Variants in ANKS1B observed in about 807,000 individuals in gnomAD.
The protein encoded by ANKS1B is ankyrin repeat and sterile alpha motif domain-containing protein 1B.
ANKS1B carries 36 observed loss-of-function variants against 148.3 expected under a neutral mutation model. The ratio of observed to expected loss-of-function variants is 0.24; its 90% confidence interval spans 0.19 to 0.32. ANKS1B has a LOEUF of 0.32. ANKS1B is among the 10% of genes least tolerant of loss of function. The pLI is 1.00. For missense variants in ANKS1B, 1,157 were observed against 1,542.6 expected (o/e 0.75, Z 4.19); for synonymous variants, 542 against 560.8 (o/e 0.97, Z 0.47).
intron 8 of ANKS1B, among the ~76,000 whole-genome samples, chr12:99,662,756 T>A (rs2153455665): frequency 6.6e-6 from 1 of 152,224 alleles, no homozygotes; most frequent in South Asian, 2.1e-4. Flanking sequence ...ATAGCGGAGG[T>A]GAATGGGCTT....
chr12:99,784,568 T>C (rs1050640601), intron 4 of ANKS1B, among the ~76,000 whole-genome samples: 1 of 152,162 alleles, frequency 6.6e-6, no homozygotes, highest in Non-Finnish European at 1.5e-5. Context: ...CTAGCACTCT[T>C]AATCTAGCCA....
At chr12:98,762,179 C>T (rs2098416880) in intron 25 of ANKS1B, among the ~76,000 whole-genome samples, 1 of 152,126 alleles carries the variant, frequency 6.6e-6, no homozygotes, top group South Asian at 2.1e-4. Context: ...GAATAGAGGC[C>T]ATAAACAGAG....
chr12:98,952,165 A>G (rs2099855027), intron 17 of ANKS1B, among the ~76,000 whole-genome samples: 1 of 152,232 alleles, frequency 6.6e-6, no homozygotes, highest in African/African-American at 2.4e-5. Context: ...GGGCTTTAAA[A>G]TTATTTATGA....
chr12:99,118,568 T>A (rs1188892929), intron 15 of ANKS1B, among the ~76,000 whole-genome samples: 1 of 152,200 alleles, frequency 6.6e-6, no homozygotes, highest in Non-Finnish European at 1.5e-5. Flanking sequence ...GAAGTTAATA[T>A]TCCATTTACC....
intron 9 of ANKS1B, among the ~76,000 whole-genome samples, chr12:99,535,385 A>C (rs1160036492): frequency 1.3e-5 from 2 of 152,232 alleles, no homozygotes; most frequent in East Asian, 3.9e-4. Context: ...TCACACATGC[A>C]GATTAATGTC....
At chr12:99,012,276 G>A (rs1486113855) in intron 17 of ANKS1B, among the ~76,000 whole-genome samples, 1 of 152,166 alleles carries the variant, frequency 6.6e-6, no homozygotes, top group Admixed American at 6.5e-5. Flanking sequence ...TAGACATGAG[G>A]AAACAGCTTT....
chr12:99,802,514 T>C lies in ANKS1B; in HGVS notation c.669+3890A>G, dbSNP rs187818591. 4.0e-3 allele frequency among the ~76,000 whole-genome samples: 616 copies of C among 152,290 alleles called. 13 individuals are homozygous for C. Among genetic ancestry groups the C allele is most frequent in the Non-Finnish European group, 6.2e-4 (42 of 68,026 alleles). On this transcript the variant is annotated intron_variant, in intron 4 of 26. Coordinates refer to ENST00000683438, the MANE Select transcript of ANKS1B (RefSeq NM_001352186.2). ...AAGATGATATGAAATTTGCCCAAAG[T>C]ATTACTTACTATTTTAAATATGTGT...
chr12:99,786,225 G>T (rs1365164467), intron 4 of ANKS1B, among the ~76,000 whole-genome samples: 2 of 152,070 alleles, frequency 1.3e-5, no homozygotes, highest in Non-Finnish European at 2.9e-5. Flanking sequence ...TTTAATTCAG[G>T]ATTGCGAGGG....
At chr12:99,013,517 A>G (rs749616033) in intron 17 of ANKS1B, among the ~76,000 whole-genome samples, 7 of 152,230 alleles carry the variant, frequency 4.6e-5, no homozygotes, top group Middle Eastern at 3.2e-3. Flanking sequence ...GGACAGGGCA[A>G]TCAGGCAAGA....
At chr12:99,448,280 G>A (rs1430210699) in intron 10 of ANKS1B, among the ~76,000 whole-genome samples, 5 of 152,016 alleles carry the variant, frequency 3.3e-5, no homozygotes, top group South Asian at 4.1e-4. Context: ...TAAAAAAGAA[G>A]GGAATTCCGT....
At chr12:99,883,324 C>T (rs776530953) in intron 1 of ANKS1B, among the ~76,000 whole-genome samples, 4 of 149,244 alleles carry the variant, frequency 2.7e-5, no homozygotes, top group African/African-American at 5.0e-5. Context: ...AACAAATGGA[C>T]GTTTCGAAGC....
In ANKS1B at chr12:99,335,810, T is replaced by C. The variant is rs150212139; in HGVS notation, c.1756+63821A>G. Among the ~76,000 whole-genome samples, 21 of 152,304 alleles carry C rather than the reference T, an allele frequency of 1.4e-4. No homozygotes were observed. The East Asian group carries it at 3.9e-3, about 28-fold the overall frequency. On this transcript the variant is annotated intron_variant, in intron 12 of 26. Coordinates refer to ENST00000683438, the MANE Select transcript of ANKS1B (RefSeq NM_001352186.2). The stretch of plus-strand genomic sequence containing the variant: ...AAACTTTCGCTATTGTGAATAGTGC[T>C]GCAATAAACATGGGAGTGTGTAGCT...
chr12:99,381,537 G>C (rs1566992633), intron 12 of ANKS1B, among the ~76,000 whole-genome samples: 1 of 152,190 alleles, frequency 6.6e-6, no homozygotes, highest in Non-Finnish European at 1.5e-5. Flanking sequence ...CAGGATAGTG[G>C]AGGGGCACAT....
intron 8 of ANKS1B, among the ~76,000 whole-genome samples, chr12:99,707,672 A>G (rs1172360695): frequency 1.3e-5 from 2 of 152,060 alleles, no homozygotes; most frequent in South Asian, 4.1e-4. Flanking sequence ...CAGTGCCTAC[A>G]TTATTGTACA....
intron 8 of ANKS1B, among the ~76,000 whole-genome samples, chr12:99,669,674 T>G (rs962463969): frequency 6.6e-6 from 1 of 152,176 alleles, no homozygotes; most frequent in African/African-American, 2.4e-5. Context: ...TCTGTCTTCA[T>G]GAAGTTTCAC....
At chr12:99,743,730 A>C (rs929851831) in intron 8 of ANKS1B, among the ~76,000 whole-genome samples, 1 of 152,198 alleles carries the variant, frequency 6.6e-6, no homozygotes, top group Non-Finnish European at 1.5e-5. Context: ...CACTACAATA[A>C]CTAAGCTCGT....
chr12:99,896,012 T>A lies in ANKS1B; in HGVS notation c.135-70623A>T, dbSNP rs564875785. Among the ~76,000 whole-genome samples the A allele has an allele frequency of 2.4e-4, 37 of 151,442 alleles. 2 individuals carry two copies. Among genetic ancestry groups the A allele is most frequent in the African/African-American group, 7.5e-4 (31 of 41,480 alleles). On this transcript the variant is annotated intron_variant, in intron 1 of 26. Coordinates refer to ENST00000683438, the MANE Select transcript of ANKS1B (RefSeq NM_001352186.2). ...ATATAACATGATGTTTTGATATATA[T>A]ACACATAGTGAAATGATTACTGTAA...
At chr12:99,087,526 A>G (rs1227297833) in intron 15 of ANKS1B, among the ~76,000 whole-genome samples, 1 of 152,222 alleles carries the variant, frequency 6.6e-6, no homozygotes, top group Non-Finnish European at 1.5e-5. Context: ...AGTGCACACA[A>G]CAGAGCATGG....
chr12:99,147,261 G>A (rs567456162), intron 15 of ANKS1B, among the ~76,000 whole-genome samples: 4 of 152,222 alleles, frequency 2.6e-5, no homozygotes, highest in Middle Eastern at 3.4e-3. Context: ...TGACAAGTAC[G>A]CTTAGAGCTA....
Sources: gnomAD v4.1 joint callset for allele counts (sites outside exome capture counted in the v4.1 genomes callset) on GRCh38, gnomAD v4.1.1 for gene constraint, MANE v1.5 for transcripts, NCBI Gene and HGNC (gene_info 2026-07-23, HGNC 2026-07-21) for gene names.